The following PPFIA2 variants were observed in gnomAD, a reference collection of about 807,000 sequenced individuals.
The protein encoded by PPFIA2 is liprin-alpha-2.
Under a neutral mutation model 175.5 loss-of-function variants are expected in PPFIA2, and 46 were observed. That is an observed-to-expected ratio of 0.26 (90% CI 0.21 to 0.34). PPFIA2 has a LOEUF of 0.34. Ranked by LOEUF, PPFIA2 falls within the 10% of genes least tolerant of loss-of-function variation. The probability of loss-of-function intolerance (pLI) is 1.00; values close to 1 mark genes in which losing one functional copy is unlikely to be tolerated. For missense variants in PPFIA2, 1,179 were observed against 1,506.1 expected, an observed-to-expected ratio of 0.78 and a Z score of 3.60; for synonymous variants, 568 against 511.4, an observed-to-expected ratio of 1.11 and a Z score of -1.49.
At chr12:81,340,188 T>C (rs1332976833) in intron 20 of PPFIA2, among the ~76,000 whole-genome samples, 4 of 152,034 alleles carry the variant, frequency 2.6e-5, no homozygotes, top group Non-Finnish European at 1.5e-5. Context: ...GTGAAAGAAG[T>C]AATATTTTGA....
At chr12:81,461,631 A>G (rs950693528) in intron 4 of PPFIA2, among the ~76,000 whole-genome samples, 2 of 152,088 alleles carry the variant, frequency 1.3e-5, no homozygotes, top group African/African-American at 4.8e-5. Context: ...GAGTAATACC[A>G]GTGTATGCCC....
At chr12:81,516,795 A>C (rs907879010) in intron 4 of PPFIA2, among the ~76,000 whole-genome samples, 14 of 152,202 alleles carry the variant, frequency 9.2e-5, no homozygotes, top group African/African-American at 3.4e-4. Flanking sequence ...TTCTTATGGC[A>C]GCCTCAGCCA....
intron 4 of PPFIA2, among the ~76,000 whole-genome samples, chr12:81,659,546 A>T (rs1404758441): frequency 6.6e-6 from 1 of 152,150 alleles, no homozygotes; most frequent in Non-Finnish European, 1.5e-5. Flanking sequence ...GAGGTAAACA[A>T]AGCAGCGGGG....
chr12:81,293,469 A>G (rs117882733), intron 24 of PPFIA2, among the ~76,000 whole-genome samples: 3,838 of 152,154 alleles, frequency 0.025, 96 homozygotes, highest in Admixed American at 0.037. Context: ...TAATTTCATA[A>G]TTACAGAAAC....
chr12:81,505,953 C>A (rs2061121922), intron 4 of PPFIA2: 1 of 152,142 alleles, frequency 6.6e-6, no homozygotes, highest in South Asian at 2.1e-4. Context: ...AACATCTGTT[C>A]TAGTGGTAAG....
At chr12:81,509,698 A>C (rs1005190452) in intron 4 of PPFIA2, among the ~76,000 whole-genome samples, 2 of 150,744 alleles carry the variant, frequency 1.3e-5, no homozygotes, top group Admixed American at 6.6e-5. Context: ...ACCTCTACTC[A>C]CTTCTACAAC....
chr12:81,741,720 G>A (rs372933289), intron 3 of PPFIA2, among the ~76,000 whole-genome samples: 50 of 151,676 alleles, frequency 3.3e-4, no homozygotes, highest in African/African-American at 1.1e-3. Flanking sequence ...TTCCAATGTG[G>A]CCCAGGGAAG....
chr12:81,388,862 C>T (rs1032538823), intron 8 of PPFIA2, among the ~76,000 whole-genome samples: 1 of 151,728 alleles, frequency 6.6e-6, no homozygotes, highest in African/African-American at 2.4e-5. Flanking sequence ...CACATTGCCT[C>T]TAATCAGAAC....
At chr12:81,343,218 G>T (rs1340379791) in intron 19 of PPFIA2, among the ~76,000 whole-genome samples, 2 of 151,812 alleles carry the variant, frequency 1.3e-5, no homozygotes, top group African/African-American at 4.8e-5. Flanking sequence ...TTTTGGTTGT[G>T]GTCCCTCTTT....
At chr12:81,597,801 T>C in intron 4 of PPFIA2, 2 of 774,814 alleles carry the variant, frequency 2.6e-6, no homozygotes, top group South Asian at 3.8e-5. Context: ...CAGTTTAAAG[T>C]AGATTAAACT....
At chr12:81,722,689 G>A (rs528810172) in intron 3 of PPFIA2, among the ~76,000 whole-genome samples, 11 of 150,768 alleles carry the variant, frequency 7.3e-5, no homozygotes, top group African/African-American at 2.2e-4. Flanking sequence ...AAATCAGGAC[G>A]CTACCTCAGG....
chr12:81,670,232 C>A (rs935884841), intron 4 of PPFIA2, among the ~76,000 whole-genome samples: 2 of 151,858 alleles, frequency 1.3e-5, no homozygotes, highest in African/African-American at 4.8e-5. Flanking sequence ...AGGGAGTGAT[C>A]TAACCTGGAA....
intron 18 of PPFIA2, among the ~76,000 whole-genome samples, chr12:81,345,209 AT>A (rs2058844811): frequency 6.6e-6 from 1 of 152,130 alleles, no homozygotes; most frequent in Admixed American, 6.6e-5. Flanking sequence ...TTTCCCACAA[AT>A]GCCAAAAGCA....
In PPFIA2 at chr12:81,337,521, G is replaced by C. The variant is rs547098832; in HGVS notation, c.2548+1659C>G. ...TTCTCAAAGGTTCTATACTTTTCTA[G>C]ACTTTAACTTATATCTTGCATACCT... On this transcript the variant is annotated intron_variant, in intron 21 of 32. Transcript: ENST00000549396. Among the ~76,000 whole-genome samples, 14 of 152,154 alleles carry C rather than the reference G, an allele frequency of 9.2e-5. No homozygotes were observed. The South Asian group carries it at 2.5e-3, about 27-fold the overall frequency.
intron 3 of PPFIA2, among the ~76,000 whole-genome samples, chr12:81,743,411 CAAAAAAAAAAAAAAAAAAAAA>C (rs772497730): frequency 4.0e-5 from 1 of 24,852 alleles, no homozygotes; most frequent in African/African-American, 1.8e-4. Context: ...GACTCCGTCT[CAAAAAAAAAAAAAAAAAAAAA>C]AAAAAAAAAA....
intron 4 of PPFIA2, among the ~76,000 whole-genome samples, chr12:81,584,648 C>T (rs2074918975): frequency 6.7e-6 from 1 of 150,332 alleles, no homozygotes; most frequent in South Asian, 2.1e-4. Context: ...GCTTACTGCT[C>T]CTAGGCCACA....
intron 4 of PPFIA2, among the ~76,000 whole-genome samples, chr12:81,670,004 A>T (rs2071114173): frequency 6.6e-6 from 1 of 151,986 alleles, no homozygotes; most frequent in South Asian, 2.1e-4. Context: ...ATTCTAAATA[A>T]ATTGTGAAGA....
At chr12:81,676,061 T>C (rs1421818079) in intron 4 of PPFIA2, among the ~76,000 whole-genome samples, 1 of 152,078 alleles carries the variant, frequency 6.6e-6, no homozygotes, top group Non-Finnish European at 1.5e-5. Flanking sequence ...TAAAAAGTGA[T>C]AACACTGAGT....
At chr12:81,641,504 T>C (rs2064963573) in intron 4 of PPFIA2, among the ~76,000 whole-genome samples, 2 of 152,186 alleles carry the variant, frequency 1.3e-5, no homozygotes, top group Admixed American at 1.3e-4. Context: ...GTATGAGTTC[T>C]GAATCTGTGT....
Sources: gnomAD v4.1 joint callset for allele counts (sites outside exome capture counted in the v4.1 genomes callset) on GRCh38, gnomAD v4.1.1 for gene constraint, MANE v1.5 for transcripts, NCBI Gene and HGNC (gene_info 2026-07-23, HGNC 2026-07-21) for gene names.